The following GOLGA3 variants were observed in gnomAD, a reference collection of about 807,000 sequenced individuals.
GOLGA3 encodes golgin A3.
In GOLGA3, 75 loss-of-function variants were observed where a neutral mutation model predicts 169.4. The observed-to-expected ratio is 0.44, with a 90% CI of 0.37 to 0.54. The LOEUF (loss-of-function observed/expected upper bound fraction) is 0.54, where lower values mean the gene tolerates loss of function less well. GOLGA3 is among the 20% of genes least tolerant of loss of function. The probability of loss-of-function intolerance (pLI) is 0.00; values close to 1 mark genes in which losing one functional copy is unlikely to be tolerated. For synonymous variants in GOLGA3, 824 were observed against 822.4 expected, an observed-to-expected ratio of 1.00 and a Z score of -0.03; for missense variants, 1,899 against 1,930.0, an observed-to-expected ratio of 0.98 and a Z score of 0.30.
At chr12:132,805,833 A>G (rs887834908) in intron 6 of GOLGA3, among the ~76,000 whole-genome samples, 5 of 152,244 alleles carry the variant, frequency 3.3e-5, no homozygotes, top group African/African-American at 7.2e-5. Flanking sequence ...ACGGGTGCAC[A>G]TGTATGCGCA....
intron 11 of GOLGA3, among the ~76,000 whole-genome samples, chr12:132,794,968 C>T (rs1435317898): frequency 6.6e-6 from 1 of 152,218 alleles, no homozygotes. Flanking sequence ...GTGAGCAGAT[C>T]ATGAGGTCAA....
chr12:132,775,078 C>G (rs2045145555), intron 22 of GOLGA3, 63 bp downstream of exon 22: 1 of 1,443,720 alleles, frequency 6.9e-7, no homozygotes, highest in Non-Finnish European at 9.5e-7. Context: ...GTCTGCCAGC[C>G]TCCTGTCCGA....
chr12:132,804,690 G>A lies in GOLGA3; in HGVS notation c.1597+26C>T, dbSNP rs769054080. On this transcript the variant is annotated intron_variant, in intron 7 of 23. Coordinates refer to ENST00000450791, the MANE Select transcript of GOLGA3 (RefSeq NM_001389683.1). This position sits in a 1 kb window ranked among gnomAD's most constrained non-coding sequence, Gnocchi z 4.1. The stretch of plus-strand genomic sequence containing the variant: ...AGCAGCAGGGACCAGTCAGGGAGGG[G>A]AGGGCGTGGCCAGGGCCAGCCTCAC... The A allele has an allele frequency of 6.3e-7, 1 of 1,576,686 alleles. No homozygotes were observed. Among genetic ancestry groups the A allele is most frequent in the East Asian group, 2.2e-5 (1 of 44,516 alleles).
At chr12:132,780,110 G>GC (rs1455904569) in intron 18 of GOLGA3, among the ~76,000 whole-genome samples, 2 of 39,632 alleles carry the variant, frequency 5.0e-5, no homozygotes, top group Non-Finnish European at 1.2e-4. Context: ...TGCACGCACA[G>GC]CCCCCCGCGT....
At chr12:132,783,726 C>T (rs891734979) in intron 16 of GOLGA3, 16 of 287,534 alleles carry the variant, frequency 5.6e-5, no homozygotes, top group African/African-American at 1.3e-4. Context: ...TACAGGCACC[C>T]GCCACCACAC....
rs1056448587 is a variant in GOLGA3 at position 132,822,997 on chromosome 12, C to T, written c.-183-686G>A. Reference sequence around the variant, plus strand: ...TAGTGAGTGACTCTGCCCAAGGCCACGGCTCCTGCCGGCAGCCCCACCCCT... The same window carrying T: ...TAGTGAGTGACTCTGCCCAAGGCCATGGCTCCTGCCGGCAGCCCCACCCCT... On this transcript the variant is annotated intron_variant, in intron 1 of 23. Coordinates refer to ENST00000450791, the MANE Select transcript of GOLGA3 (RefSeq NM_001389683.1). Among the ~76,000 whole-genome samples the T allele has an allele frequency of 3.9e-5, 6 of 152,358 alleles. 2 individuals carry two copies. The highest frequency in any genetic ancestry group is 2.9e-5 in the Non-Finnish European group (2 of 68,040).
At chr12:132,795,392 T>C (rs1290834700) in intron 11 of GOLGA3, among the ~76,000 whole-genome samples, 68 of 147,336 alleles carry the variant, frequency 4.6e-4, no homozygotes, top group Admixed American at 4.6e-3. Context: ...TGTGGGAGAC[T>C]GAGGTGGGCG....
Position 132,808,255 on chromosome 12 carries a change from A to G in GOLGA3, c.814T>C (p.Ser272Pro). Residue 272 changes from serine (S) to proline (P), a missense_variant, in exon 5 of 24, where the codon TCC (serine) becomes CCC (proline). Ser to Pro is a moderately conservative substitution (Grantham distance 74, BLOSUM62 -1). Coordinates refer to ENST00000450791, the MANE Select transcript of GOLGA3 (RefSeq NM_001389683.1). ...NVPAPDSTKG[S>P]LKQNRSSAAS... The stretch of plus-strand genomic sequence containing the variant: ...GCACTGCTTCTGTTCTGCTTCAGGG[A>G]ACCCTTGGTAGAATCGGGAGCCGGG... The G allele has an allele frequency of 6.2e-7, 1 of 1,614,016 alleles. No individual in the cohort carries two copies. Among genetic ancestry groups the G allele is most frequent in the Non-Finnish European group, 8.5e-7 (1 of 1,180,016 alleles).
At chr12:132,797,853 G>A (rs922019964) in intron 9 of GOLGA3, among the ~76,000 whole-genome samples, 1 of 152,238 alleles carries the variant, frequency 6.6e-6, no homozygotes, top group Admixed American at 6.5e-5. Flanking sequence ...GACAGCGTGT[G>A]GTTGCTGGAG....
In GOLGA3 at chr12:132,796,077, A is replaced by C; in HGVS notation, c.2244T>G (p.Asp748Glu). 6.2e-7 allele frequency: 1 copy of C among 1,613,066 alleles called. No individual in the cohort carries two copies. Residue 748 changes from aspartate to glutamate, a missense_variant, in exon 11 of 24, where the codon GAT (aspartate) becomes GAG (glutamate). Asp to Glu is a conservative substitution (Grantham distance 45). Transcript: ENST00000450791. ...GCTCCCCCAGCCTGGCCTGCAGCTC[A>C]TCGTAGTGTGTCTGCAGGGCATCGA... The part of the protein sequence containing the change: ...QSLDALQTHY[D>E]ELQARLGELQ...
chr12:132,822,686 C>T (rs1036593161), intron 1 of GOLGA3, among the ~76,000 whole-genome samples: 1 of 152,032 alleles, frequency 6.6e-6, no homozygotes, highest in Non-Finnish European at 1.5e-5. Flanking sequence ...TTTGGGAGGC[C>T]GAGGCAGGCA....
At chr12:132,799,584 G>A (rs188986000) in intron 8 of GOLGA3, among the ~76,000 whole-genome samples, 78 of 152,302 alleles carry the variant, frequency 5.1e-4, no homozygotes, top group Non-Finnish European at 8.5e-4. Context: ...AGGCTGCAGG[G>A]AGCTATGATG....
chr12:132,797,924 C>T (rs1434383448), intron 9 of GOLGA3, among the ~76,000 whole-genome samples: 1 of 152,218 alleles, frequency 6.6e-6, no homozygotes, highest in Non-Finnish European at 1.5e-5. Context: ...CATCCCTAGG[C>T]TTCGACAGGC....
At position 132,772,552 on chromosome 12, in the gene GOLGA3, A is replaced by AAAAC. The variant is rs1566059877; in HGVS notation, c.*552_*553insGTTT. ...AAGCGAGACTCTGTCTCAAAAAAAA[A>AAAAC]AAAAAAAAAAAAACAAAGATTGGAT... On this transcript the variant is annotated 3_prime_UTR_variant, in exon 24 of 24. Coordinates refer to ENST00000450791, the MANE Select transcript of GOLGA3 (RefSeq NM_001389683.1). The AAAAC allele has an allele frequency of 6.6e-6, 1 of 151,738 alleles. No individual in the cohort carries two copies. Among genetic ancestry groups the AAAAC allele is most frequent in the Non-Finnish European group, 1.5e-5 (1 of 67,982 alleles). 9.4% of individuals were successfully genotyped at this position (151,738 alleles called of 1,614,324 possible). A position where few individuals can be genotyped will look rare whatever the true frequency, so the allele number is the denominator to read the frequency against.
chr12:132,781,261 T>C (rs937376454), intron 17 of GOLGA3, among the ~76,000 whole-genome samples: 1 of 151,356 alleles, frequency 6.6e-6, no homozygotes, highest in Admixed American at 6.6e-5. Context: ...CCAGACCCTG[T>C]CTCAAAAAAA....
At chr12:132,785,480 T>A (rs2045848201) in intron 15 of GOLGA3, among the ~76,000 whole-genome samples, 1 of 152,110 alleles carries the variant, frequency 6.6e-6, no homozygotes, top group Non-Finnish European at 1.5e-5. Flanking sequence ...CTGGGTTTTA[T>A]TTTTGTATTA....
At chr12:132,818,173 C>A (rs1476145061) in intron 2 of GOLGA3, among the ~76,000 whole-genome samples, 2 of 145,008 alleles carry the variant, frequency 1.4e-5, no homozygotes, top group African/African-American at 2.5e-5. Flanking sequence ...GTGAACTCGC[C>A]CTCCACACCT....
At position 132,804,713 on chromosome 12, in the gene GOLGA3, C is replaced by T. The variant is rs1949304405; in HGVS notation, c.1597+3G>A. On this transcript the variant is annotated splice_donor_region_variant and intron_variant, in intron 7 of 23. Coordinates refer to ENST00000450791, the MANE Select transcript of GOLGA3 (RefSeq NM_001389683.1). The surrounding 1 kb of genome is among the most constrained non-coding windows in gnomAD (Gnocchi z 4.1). ...GGGAGGGCGTGGCCAGGGCCAGCCT[C>T]ACCTGTGTTGTCCTTGCTGAGCATG... 6.2e-7 allele frequency: 1 copy of T among 1,608,848 alleles called. No homozygotes were observed. The highest frequency in any genetic ancestry group is 8.5e-7 in the Non-Finnish European group (1 of 1,176,054).
Position 132,816,503 on chromosome 12 carries a change from C to T in GOLGA3, c.406+37G>A, listed in dbSNP as rs183602039. The T allele has an allele frequency of 2.2e-5, 36 of 1,600,430 alleles. No homozygotes were observed. In the East Asian group the frequency reaches 5.8e-4, roughly 26 times the overall value. ...CTCCCAAGGGGCTGAGCGACGCGGACGTGGAGGGTGGGAAAAGCGGGGTAA... is the reference window on the plus strand; with the variant it reads ...CTCCCAAGGGGCTGAGCGACGCGGATGTGGAGGGTGGGAAAAGCGGGGTAA... On this transcript the variant is annotated intron_variant, in intron 3 of 23. Coordinates refer to ENST00000450791, the MANE Select transcript of GOLGA3 (RefSeq NM_001389683.1).
Sources: allele counts gnomAD v4.1 joint callset (sites outside exome capture counted in the v4.1 genomes callset), GRCh38; gene constraint gnomAD v4.1.1; non-coding constraint Gnocchi (gnomAD v3.1); transcripts MANE v1.5; gene names NCBI Gene and HGNC (gene_info 2026-07-23, HGNC 2026-07-21).